CCDC73: variants seen among roughly 807,000 people sequenced by gnomAD.
CCDC73 encodes coiled-coil domain containing 73, also known as coiled-coil domain-containing protein 73.
Under a neutral mutation model 116.5 loss-of-function variants are expected in CCDC73, and 95 were observed. That is an observed-to-expected ratio of 0.82 (90% CI 0.69 to 0.97). The LOEUF (loss-of-function observed/expected upper bound fraction) is 0.97, where lower values mean the gene tolerates loss of function less well. CCDC73 is among the 50% of genes least tolerant of loss of function. The probability of loss-of-function intolerance (pLI) is 0.00; values close to 1 mark genes in which losing one functional copy is unlikely to be tolerated. For missense variants in CCDC73, 1,066 were observed against 1,206.8 expected (o/e 0.88, Z 1.73); for synonymous variants, 398 against 401.3 (o/e 0.99, Z 0.10).
At chr11:32,785,129 A>G (rs1456298718) in intron 1 of CCDC73, among the ~76,000 whole-genome samples, 1 of 152,092 alleles carries the variant, frequency 6.6e-6, no homozygotes, top group East Asian at 1.9e-4. Flanking sequence ...CAGCGCTACT[A>G]TACTCCAGCC....
intron 1 of CCDC73, among the ~76,000 whole-genome samples, chr11:32,774,729 C>G (rs1035325664): frequency 6.6e-6 from 1 of 152,046 alleles, no homozygotes; most frequent in African/African-American, 2.4e-5. Context: ...TTATGTAAAA[C>G]AATGATTTAT....
chr11:32,793,034 G>C (rs1412915587), intron 1 of CCDC73, among the ~76,000 whole-genome samples: 3 of 152,134 alleles, frequency 2.0e-5, no homozygotes, highest in Admixed American at 6.5e-5. Flanking sequence ...CGGCCAGAGC[G>C]AAAGAAACTA....
chr11:32,778,425 T>G (rs183845466), intron 1 of CCDC73, among the ~76,000 whole-genome samples: 1 of 152,230 alleles, frequency 6.6e-6, no homozygotes, highest in Non-Finnish European at 1.5e-5. Context: ...TATCAAATGC[T>G]GAGTTAAAGA....
the CCDC73 span, among the ~76,000 whole-genome samples, chr11:32,808,603 C>T: frequency 1.3e-5 from 2 of 151,262 alleles, 1 homozygote; most frequent in South Asian, 4.2e-4. Context: ...TGTGCCACTG[C>T]ACTCCAGCCT....
At chr11:32,671,548 AT>A (rs1331317083) in intron 9 of CCDC73, among the ~76,000 whole-genome samples, 3 of 152,242 alleles carry the variant, frequency 2.0e-5, no homozygotes, top group Non-Finnish European at 4.4e-5. Context: ...AACCAATGTT[AT>A]AAAATTTGAT....
intron 5 of CCDC73, among the ~76,000 whole-genome samples, chr11:32,699,591 T>C (rs952029224): frequency 6.6e-6 from 1 of 152,122 alleles, no homozygotes; most frequent in African/African-American, 2.4e-5. Flanking sequence ...GGGACATGGA[T>C]GAAGCTGGAA....
At chr11:32,804,779 A>T in the CCDC73 span, among the ~76,000 whole-genome samples, 1 of 152,222 alleles carries the variant, frequency 6.6e-6, no homozygotes, top group African/African-American at 2.4e-5. Flanking sequence ...CTCAAAACAA[A>T]GGTTTACTTA....
At chr11:32,807,703 A>G in the CCDC73 span, among the ~76,000 whole-genome samples, 2 of 151,964 alleles carry the variant, frequency 1.3e-5, no homozygotes, top group African/African-American at 2.4e-5. Context: ...AAAAGATTGG[A>G]CACCCCTGCC....
chr11:32,818,501 T>A, the CCDC73 span, among the ~76,000 whole-genome samples: 1 of 152,218 alleles, frequency 6.6e-6, no homozygotes, highest in Non-Finnish European at 1.5e-5. Context: ...TGTTACATAT[T>A]TCTCAAAACG....
chr11:32,696,844 T>TA (rs1327834981), intron 6 of CCDC73, among the ~76,000 whole-genome samples: 3 of 151,702 alleles, frequency 2.0e-5, no homozygotes, highest in East Asian at 3.9e-4. Context: ...TTTTTGTTGA[T>TA]AAAAAACACA....
intron 2 of CCDC73, among the ~76,000 whole-genome samples, chr11:32,727,329 T>C (rs1850036930): frequency 6.6e-6 from 1 of 152,216 alleles, no homozygotes; most frequent in Non-Finnish European, 1.5e-5. Flanking sequence ...ATTTTCCCCT[T>C]ACATATTCTA....
chr11:32,720,460 G>A (rs1033724181), intron 2 of CCDC73, among the ~76,000 whole-genome samples: 1 of 152,064 alleles, frequency 6.6e-6, no homozygotes, highest in Non-Finnish European at 1.5e-5. Flanking sequence ...TTTAAGATCA[G>A]AAACAATGTA....
intron 1 of CCDC73, among the ~76,000 whole-genome samples, chr11:32,771,364 G>T (rs1017982700): frequency 6.6e-6 from 1 of 152,130 alleles, no homozygotes; most frequent in Non-Finnish European, 1.5e-5. Flanking sequence ...CAATGTACTA[G>T]GGGACCACTC....
At chr11:32,740,691 T>A (rs1001979279) in intron 2 of CCDC73, among the ~76,000 whole-genome samples, 2 of 151,946 alleles carry the variant, frequency 1.3e-5, no homozygotes, top group Non-Finnish European at 2.9e-5. Context: ...CTCTGATCTT[T>A]ATCATTTCTT....
At chr11:32,803,834 G>A in the CCDC73 span, among the ~76,000 whole-genome samples, 11 of 152,220 alleles carry the variant, frequency 7.2e-5, no homozygotes, top group South Asian at 2.3e-3. Context: ...TTGAGACAGA[G>A]TCTCGCTCTG....
intron 2 of CCDC73, among the ~76,000 whole-genome samples, chr11:32,748,012 C>A (rs1850255922): frequency 6.6e-6 from 1 of 152,202 alleles, no homozygotes; most frequent in Non-Finnish European, 1.5e-5. Context: ...ATGCAGAAAT[C>A]ACCCATCTTC....
intron 2 of CCDC73, among the ~76,000 whole-genome samples, chr11:32,742,573 T>C (rs1850197682): frequency 6.6e-6 from 1 of 152,178 alleles, no homozygotes; most frequent in African/African-American, 2.4e-5. Context: ...GTCAGATGAG[T>C]AGATTGCAAA....
chr11:32,798,924 G>GA (rs397811814), upstream of CCDC73, among the ~76,000 whole-genome samples: 1 of 149,904 alleles, frequency 6.7e-6, no homozygotes, highest in East Asian at 2.0e-4. Flanking sequence ...TTGGGGGGGG[G>GA]CGTTGAGACA....
chr11:32,811,534 T>G, the CCDC73 span, among the ~76,000 whole-genome samples: 1 of 152,064 alleles, frequency 6.6e-6, no homozygotes, highest in South Asian at 2.1e-4. Flanking sequence ...ACTGGGTAAT[T>G]TATATAGAAA....
Sources: allele counts gnomAD v4.1 joint callset (sites outside exome capture counted in the v4.1 genomes callset), GRCh38; gene constraint gnomAD v4.1.1; transcripts MANE v1.5; gene names NCBI Gene and HGNC (gene_info 2026-07-23, HGNC 2026-07-21).